The following WHR1 variants were observed in gnomAD, a reference collection of about 807,000 sequenced individuals.
WHR1 encodes the protein MHC class III HLA-RP1.
chr6:31,975,476 C>T, the WHR1 span, among the ~76,000 whole-genome samples: 1 of 151,218 alleles, frequency 6.6e-6, no homozygotes, highest in Non-Finnish European at 1.5e-5. Context: ...GCTGGGATTA[C>T]AGGCATGATC....
the WHR1 span, chr6:31,979,011 G>A: frequency 6.2e-7 from 1 of 1,611,566 alleles, no homozygotes; most frequent in Non-Finnish European, 8.5e-7. Flanking sequence ...ATGTGACTGT[G>A]TGCGTCAGGG....
chr6:31,980,628 C>G, the WHR1 span: 1 of 1,583,628 alleles, frequency 6.3e-7, no homozygotes, highest in East Asian at 2.2e-5. Flanking sequence ...TCACCTTTCC[C>G]CTTTCCTGTG....
the WHR1 span, chr6:31,971,880 G>A: frequency 6.8e-7 from 1 of 1,459,916 alleles, no homozygotes; most frequent in Non-Finnish European, 9.1e-7. This position sits in a 1 kb window ranked among gnomAD's most constrained non-coding sequence, Gnocchi z 4.5. Context: ...TCCTCCAAAT[G>A]CAGTGAGGTT....
chr6:31,975,840 T>C, the WHR1 span, among the ~76,000 whole-genome samples: 1 of 150,544 alleles, frequency 6.6e-6, no homozygotes, highest in Non-Finnish European at 1.5e-5. Flanking sequence ...GGCTCCTCAC[T>C]TCCCAGCAGG....
At chr6:31,972,217 G>C in the WHR1 span, 2 of 1,612,868 alleles carry the variant, frequency 1.2e-6, no homozygotes, top group South Asian at 1.1e-5. The surrounding 1 kb of genome is among the most constrained non-coding windows in gnomAD (Gnocchi z 6.3). Context: ...GGTGATGCTG[G>C]TATGTGCGTC....
chr6:31,980,535 G>C, the WHR1 span: 1 of 1,612,926 alleles, frequency 6.2e-7, no homozygotes, highest in Non-Finnish European at 8.5e-7. Context: ...GATTCATCAA[G>C]TACTTTGTTA....
the WHR1 span, chr6:31,981,110 C>T: frequency 2.6e-6 from 1 of 388,750 alleles, no homozygotes; most frequent in Non-Finnish European, 4.3e-6. Context: ...AGAAGAGCTG[C>T]ATGATGGTGG....
the WHR1 span, chr6:31,980,686 G>A: frequency 6.2e-7 from 1 of 1,605,750 alleles, no homozygotes; most frequent in East Asian, 2.2e-5. Context: ...GGTCCGGAAG[G>A]CAAAGTACCG....
the WHR1 span, chr6:31,978,951 G>A: frequency 2.5e-6 from 4 of 1,612,530 alleles, no homozygotes; most frequent in South Asian, 1.1e-5. Flanking sequence ...GCTGGGCTTC[G>A]ACTTGGATGC....
the WHR1 span, chr6:31,979,704 T>A: frequency 9.8e-7 from 1 of 1,017,732 alleles, no homozygotes; most frequent in South Asian, 1.7e-5. Context: ...GACCCAAGTT[T>A]GTATTCCTCC....
chr6:31,979,330 CA>C, the WHR1 span: 1 of 1,571,704 alleles, frequency 6.4e-7, no homozygotes, highest in Non-Finnish European at 8.7e-7. Flanking sequence ...AGAGGTAAGA[CA>C]GGAAGAGAAA....
chr6:31,979,449 G>A, the WHR1 span: 31 of 1,612,754 alleles, frequency 1.9e-5, no homozygotes, highest in Non-Finnish European at 2.5e-5. Flanking sequence ...CGTATGCTGG[G>A]GCAGTGCAGA....
At chr6:31,973,869 C>A in the WHR1 span, among the ~76,000 whole-genome samples, 1 of 152,158 alleles carries the variant, frequency 6.6e-6, no homozygotes, top group Non-Finnish European at 1.5e-5. Flanking sequence ...TGGGACTCTA[C>A]ATTTTTGAAC....
the WHR1 span, chr6:31,972,582 G>A: frequency 6.3e-7 from 1 of 1,594,112 alleles, no homozygotes; most frequent in Non-Finnish European, 8.6e-7. This position sits in a 1 kb window ranked among gnomAD's most constrained non-coding sequence, Gnocchi z 6.3. Context: ...CCGCGTCCCC[G>A]CCCCAGTTCC....
At chr6:31,978,388 T>A in the WHR1 span, among the ~76,000 whole-genome samples, 3 of 152,190 alleles carry the variant, frequency 2.0e-5, no homozygotes, top group Non-Finnish European at 2.9e-5. Context: ...TCCTGCTACC[T>A]CAGCCTCCCA....
At chr6:31,981,215 T>C in the WHR1 span, 1 of 181,960 alleles carries the variant, frequency 5.5e-6, no homozygotes, top group Non-Finnish European at 9.3e-6. Flanking sequence ...GCTGTTTGCC[T>C]GGTTTCTGAC....
At chr6:31,976,035 G>A in the WHR1 span, among the ~76,000 whole-genome samples, 2 of 150,302 alleles carry the variant, frequency 1.3e-5, no homozygotes, top group African/African-American at 2.4e-5. Flanking sequence ...CGGGCGGGGG[G>A]GGCTGACCCC....
the WHR1 span, chr6:31,979,618 C>T: frequency 1.9e-6 from 3 of 1,563,898 alleles, no homozygotes; most frequent in African/African-American, 2.7e-5. Flanking sequence ...CCAGTTCCAT[C>T]CAGCCTGTCC....
At chr6:31,976,745 C>T in the WHR1 span, among the ~76,000 whole-genome samples, 1 of 152,250 alleles carries the variant, frequency 6.6e-6, no homozygotes, top group African/African-American at 2.4e-5. Flanking sequence ...GCACTCCAGC[C>T]TGGGCACCAT....
Sources: allele counts gnomAD v4.1 joint callset (sites outside exome capture counted in the v4.1 genomes callset), GRCh38; gene constraint gnomAD v4.1.1; non-coding constraint Gnocchi (gnomAD v3.1); transcripts MANE v1.5; gene names NCBI Gene and HGNC (gene_info 2026-07-23, HGNC 2026-07-21).